Variants in LRRC4C observed in about 807,000 individuals in gnomAD.
LRRC4C encodes the protein leucine-rich repeat-containing protein 4C.
A neutral mutation model predicts 33.6 loss-of-function variants in LRRC4C; 5 were observed. That is an observed-to-expected ratio of 0.15 (90% CI 0.08 to 0.31). The LOEUF (loss-of-function observed/expected upper bound fraction) is 0.31, where lower values mean the gene tolerates loss of function less well. Ranked by LOEUF, LRRC4C falls within the 10% of genes least tolerant of loss-of-function variation. The pLI is 1.00. For synonymous variants in LRRC4C, 329 were observed against 302.0 expected (o/e 1.09, Z -0.93); for missense variants, 560 against 796.7 (o/e 0.70, Z 3.58).
chr11:41,313,211 C>T (rs953890410), intron 1 of LRRC4C, among the ~76,000 whole-genome samples: 8 of 152,152 alleles, frequency 5.3e-5, no homozygotes, highest in African/African-American at 1.9e-4. Context: ...GGGAGTTTTC[C>T]ATCTCTCCAC....
intron 2 of LRRC4C, among the ~76,000 whole-genome samples, chr11:40,801,856 A>C (rs1300295529): frequency 6.6e-6 from 1 of 152,190 alleles, no homozygotes; most frequent in African/African-American, 2.4e-5. Context: ...CATTAATCAC[A>C]TACATAAATA....
chr11:40,205,880 CT>C (rs2135771194), intron 5 of LRRC4C, among the ~76,000 whole-genome samples: 1 of 152,268 alleles, frequency 6.6e-6, no homozygotes, highest in South Asian at 2.1e-4. Flanking sequence ...CATTAAGTAC[CT>C]TTTTCTTTCT....
chr11:41,241,432 G>A (rs1948246224), intron 1 of LRRC4C, among the ~76,000 whole-genome samples: 1 of 152,076 alleles, frequency 6.6e-6, no homozygotes, highest in Non-Finnish European at 1.5e-5. Context: ...CCAGAGGTAT[G>A]TCCAGGTCAA....
chr11:41,349,900 CAT>C (rs1951919675), intron 1 of LRRC4C, among the ~76,000 whole-genome samples: 2 of 152,040 alleles, frequency 1.3e-5, no homozygotes, highest in South Asian at 4.1e-4. Flanking sequence ...AAAAATAAAA[CAT>C]AATTAATTCT....
chr11:41,172,942 T>C (rs1945039246), intron 1 of LRRC4C, among the ~76,000 whole-genome samples: 1 of 152,116 alleles, frequency 6.6e-6, no homozygotes, highest in African/African-American at 2.4e-5. Context: ...ATAAGGAGAC[T>C]GAGGCTAAAA....
At chr11:41,087,502 A>C (rs961409869) in intron 1 of LRRC4C, among the ~76,000 whole-genome samples, 1 of 152,038 alleles carries the variant, frequency 6.6e-6, no homozygotes, top group African/African-American at 2.4e-5. Flanking sequence ...ATATGTTAGT[A>C]ATTTTTTTAA....
Position 40,786,526 on chromosome 11 carries a change from A to G in LRRC4C, c.-406-138248T>C, listed in dbSNP as rs189753116. 2.0e-5 allele frequency among the ~76,000 whole-genome samples: 3 copies of G among 152,332 alleles called. No homozygotes were observed. The East Asian group carries it at 5.8e-4, about 29-fold the overall frequency. ...ATGTGTAGAAGTCTAAGTGACATATAAACGTATATCATATACCTCTGAGAG... is the reference window on the plus strand; with the variant it reads ...ATGTGTAGAAGTCTAAGTGACATATGAACGTATATCATATACCTCTGAGAG... On this transcript the variant is annotated intron_variant, in intron 2 of 6. Transcript: ENST00000528697.
chr11:40,545,760 A>G (rs1212736000), intron 3 of LRRC4C, among the ~76,000 whole-genome samples: 1 of 152,028 alleles, frequency 6.6e-6, no homozygotes, highest in African/African-American at 2.4e-5. Flanking sequence ...GGAACTTTAG[A>G]GTTTCTATGT....
At chr11:40,537,481 G>C (rs1365493802) in intron 3 of LRRC4C, among the ~76,000 whole-genome samples, 1 of 152,204 alleles carries the variant, frequency 6.6e-6, no homozygotes, top group East Asian at 1.9e-4. Flanking sequence ...AATAGAGATT[G>C]TAGGAGATAG....
At chr11:40,136,729 T>C (rs2134900538) in intron 6 of LRRC4C, among the ~76,000 whole-genome samples, 1 of 152,338 alleles carries the variant, frequency 6.6e-6, no homozygotes. Context: ...TTTTGCAATG[T>C]TGCCATGCAT....
intron 4 of LRRC4C, among the ~76,000 whole-genome samples, chr11:40,246,367 C>T (rs943372026): frequency 8.5e-5 from 13 of 152,236 alleles, no homozygotes; most frequent in East Asian, 1.9e-4. Context: ...AAATACTCAA[C>T]GTTATTTTGT....
intron 2 of LRRC4C, among the ~76,000 whole-genome samples, chr11:40,823,241 A>G (rs1208642258): frequency 6.6e-6 from 1 of 151,794 alleles, no homozygotes; most frequent in East Asian, 1.9e-4. Context: ...ACAAAAACAT[A>G]AGAGAAAATT....
At chr11:40,383,860 CT>C (rs1401000319) in intron 3 of LRRC4C, among the ~76,000 whole-genome samples, 1 of 150,662 alleles carries the variant, frequency 6.6e-6, no homozygotes, top group Non-Finnish European at 1.5e-5. Flanking sequence ...AATTTTTTTA[CT>C]TTTTGTTGAG....
intron 2 of LRRC4C, among the ~76,000 whole-genome samples, chr11:40,752,868 C>G (rs539273888): frequency 3.3e-5 from 5 of 151,998 alleles, no homozygotes; most frequent in African/African-American, 7.2e-5. Context: ...CGGAATCAAC[C>G]TAAGTATCTG....
At chr11:40,276,120 G>T (rs1943082111) in intron 4 of LRRC4C, among the ~76,000 whole-genome samples, 1 of 152,132 alleles carries the variant, frequency 6.6e-6, no homozygotes, top group East Asian at 1.9e-4. Context: ...AGGTTTGTTA[G>T]TAGGAGAACT....
At chr11:40,710,081 C>T (rs575530900) in intron 2 of LRRC4C, among the ~76,000 whole-genome samples, 7 of 152,240 alleles carry the variant, frequency 4.6e-5, no homozygotes, top group African/African-American at 1.4e-4. Context: ...TTCTAGTTAG[C>T]TATTCGTCTA....
intron 1 of LRRC4C, among the ~76,000 whole-genome samples, chr11:41,126,883 T>C (rs11036247): frequency 0.27 from 40,240 of 151,834 alleles, 5,679 homozygotes; most frequent in East Asian, 0.47. Context: ...CATGAGAAAG[T>C]TAAGGCGACA....
intron 1 of LRRC4C, among the ~76,000 whole-genome samples, chr11:41,301,731 C>T (rs1034541490): frequency 1.4e-4 from 22 of 152,150 alleles, no homozygotes; most frequent in Non-Finnish European, 4.4e-5. Context: ...CCCCCAATTT[C>T]ATCAGAGGAG....
intron 1 of LRRC4C, among the ~76,000 whole-genome samples, chr11:41,004,743 AG>A (rs34179895): frequency 0.41 from 60,747 of 149,350 alleles, 12,905 homozygotes; most frequent in East Asian, 0.52. Flanking sequence ...AATAAAGCAG[AG>A]GGGGCACATG....
Sources: gnomAD v4.1 joint callset for allele counts (sites outside exome capture counted in the v4.1 genomes callset) on GRCh38, gnomAD v4.1.1 for gene constraint, MANE v1.5 for transcripts, NCBI Gene and HGNC (gene_info 2026-07-23, HGNC 2026-07-21) for gene names.